The following LYPD6B variants were observed in gnomAD, a reference collection of about 807,000 sequenced individuals.
LYPD6B encodes the protein LY6/PLAUR domain containing 6B.
Under a neutral mutation model 22.8 loss-of-function variants are expected in LYPD6B, and 17 were observed. That is an observed-to-expected ratio of 0.75 (90% CI 0.51 to 1.12). The LOEUF (loss-of-function observed/expected upper bound fraction) is 1.12. Ranked by LOEUF, LYPD6B falls within the 50% of genes most tolerant of loss-of-function variation. LYPD6B has a pLI of 0.00. For missense variants in LYPD6B, 221 were observed against 258.3 expected (o/e 0.86, Z 0.99); for synonymous variants, 106 against 91.6 (o/e 1.16, Z -0.90).
intron 1 of LYPD6B, among the ~76,000 whole-genome samples, chr2:149,118,859 C>T (rs13026041): frequency 0.22 from 34,112 of 152,008 alleles, 4,669 homozygotes; most frequent in East Asian, 0.55. Context: ...TCACTGTATC[C>T]CATTAATATA....
chr2:149,184,145 T>C (rs1289632107), intron 3 of LYPD6B, among the ~76,000 whole-genome samples: 1 of 151,770 alleles, frequency 6.6e-6, no homozygotes, highest in Non-Finnish European at 1.5e-5. Flanking sequence ...TGAGCCAAGA[T>C]TGAGCCATTG....
At chr2:149,067,033 G>A (rs1373334040) in intron 1 of LYPD6B, among the ~76,000 whole-genome samples, 2 of 152,018 alleles carry the variant, frequency 1.3e-5, no homozygotes, top group African/African-American at 2.4e-5. Flanking sequence ...CAATGTTTAG[G>A]TCTCACTTCT....
intron 1 of LYPD6B, among the ~76,000 whole-genome samples, chr2:149,115,217 G>A (rs559218841): frequency 1.9e-3 from 284 of 152,314 alleles, no homozygotes; most frequent in African/African-American, 6.6e-3. Flanking sequence ...GGGATTACAG[G>A]TGTGAGCCAC....
intron 3 of LYPD6B, among the ~76,000 whole-genome samples, chr2:149,190,519 C>T (rs988410636): frequency 3.9e-5 from 6 of 152,020 alleles, no homozygotes; most frequent in Non-Finnish European, 1.5e-5. Context: ...TTTGTATTCC[C>T]CCAAGCAATA....
intron 3 of LYPD6B, among the ~76,000 whole-genome samples, chr2:149,201,529 A>G (rs1301837695): frequency 6.6e-6 from 1 of 152,212 alleles, no homozygotes; most frequent in African/African-American, 2.4e-5. Flanking sequence ...ATAGTTAGTC[A>G]TTTACTTTTT....
At chr2:149,080,670 C>T (rs1294804538) in intron 1 of LYPD6B, among the ~76,000 whole-genome samples, 1 of 151,646 alleles carries the variant, frequency 6.6e-6, no homozygotes, top group Non-Finnish European at 1.5e-5. Context: ...GGTGAAACCC[C>T]GACTCTACTA....
intron 1 of LYPD6B, among the ~76,000 whole-genome samples, chr2:149,050,845 A>G (rs1398344645): frequency 6.6e-6 from 1 of 152,164 alleles, no homozygotes; most frequent in East Asian, 1.9e-4. Context: ...TATAAGTTCA[A>G]AGATTTCCTG....
intron 3 of LYPD6B, among the ~76,000 whole-genome samples, chr2:149,189,367 T>TATATATATATATATAA (rs1290881582): frequency 1.2e-5 from 1 of 81,064 alleles, no homozygotes; most frequent in Non-Finnish European, 2.7e-5. Context: ...TATATATATA[T>TATATATATATATATAA]ACACACACAT....
intron 1 of LYPD6B, among the ~76,000 whole-genome samples, chr2:149,127,774 A>AC (rs1687783846): frequency 6.6e-6 from 1 of 152,090 alleles, no homozygotes; most frequent in African/African-American, 2.4e-5. Context: ...CTTATAGAAT[A>AC]CCCCCAGTTC....
chr2:149,165,680 C>T (rs530375575), intron 3 of LYPD6B, among the ~76,000 whole-genome samples: 1 of 152,282 alleles, frequency 6.6e-6, no homozygotes, highest in East Asian at 1.9e-4. Context: ...AACTGAGGCA[C>T]AGAGCGGTTA....
At chr2:149,114,011 A>T (rs2105551245) in intron 1 of LYPD6B, among the ~76,000 whole-genome samples, 1 of 152,298 alleles carries the variant, frequency 6.6e-6, no homozygotes, top group East Asian at 1.9e-4. Flanking sequence ...TTGACATTGG[A>T]CATTCCATTC....
chr2:149,124,690 T>C (rs937278194), intron 1 of LYPD6B, among the ~76,000 whole-genome samples: 2 of 152,178 alleles, frequency 1.3e-5, no homozygotes, highest in African/African-American at 4.8e-5. Flanking sequence ...CATAAATAAT[T>C]TGGAACTGGC....
chr2:149,056,078 T>C (rs1181601545), intron 1 of LYPD6B, among the ~76,000 whole-genome samples: 2 of 152,230 alleles, frequency 1.3e-5, no homozygotes, highest in African/African-American at 4.8e-5. Flanking sequence ...GTCCTGTGCA[T>C]AGGGAGGCTT....
At chr2:149,067,959 G>A (rs1684419454) in intron 1 of LYPD6B, among the ~76,000 whole-genome samples, 1 of 152,188 alleles carries the variant, frequency 6.6e-6, no homozygotes, top group Admixed American at 6.6e-5. Context: ...GATAGGAGGG[G>A]AGAGGGAGGG....
chr2:149,153,924 T>C, intron 2 of LYPD6B: 1 of 177,950 alleles, frequency 5.6e-6, no homozygotes, highest in Non-Finnish European at 1.1e-5. Context: ...CCTTCATTAC[T>C]GTGGATTATG....
chr2:149,132,873 C>T (rs1688118405), intron 2 of LYPD6B, among the ~76,000 whole-genome samples: 1 of 152,150 alleles, frequency 6.6e-6, no homozygotes, highest in Non-Finnish European at 1.5e-5. Context: ...AGAACTGATG[C>T]TATTATTTAT....
At chr2:149,069,946 G>A (rs997197371) in intron 1 of LYPD6B, among the ~76,000 whole-genome samples, 27 of 151,442 alleles carry the variant, frequency 1.8e-4, no homozygotes, top group African/African-American at 4.9e-4. Context: ...GGTGGTGTGT[G>A]TGTGTGTACG....
At chr2:149,123,741 A>G (rs569994684) in intron 1 of LYPD6B, among the ~76,000 whole-genome samples, 2 of 152,278 alleles carry the variant, frequency 1.3e-5, no homozygotes, top group Non-Finnish European at 2.9e-5. Flanking sequence ...ACGCACCCCC[A>G]GCTACTCACT....
chr2:149,092,765 TG>T (rs2105447413), intron 1 of LYPD6B, among the ~76,000 whole-genome samples: 1 of 152,332 alleles, frequency 6.6e-6, no homozygotes, highest in East Asian at 1.9e-4. Flanking sequence ...TCTTGTACCA[TG>T]AGGCAGAGGG....
Sources: allele counts gnomAD v4.1 joint callset (sites outside exome capture counted in the v4.1 genomes callset), GRCh38; gene constraint gnomAD v4.1.1; transcripts MANE v1.5; gene names NCBI Gene and HGNC (gene_info 2026-07-23, HGNC 2026-07-21).